Variants in SPTLC3 observed in about 807,000 individuals in gnomAD.
SPTLC3 encodes the protein serine palmitoyltransferase long chain base subunit 3, also known as serine palmitoyltransferase 3.
In SPTLC3, 36 loss-of-function variants were observed where a neutral mutation model predicts 59.3. The observed-to-expected ratio is 0.61, with a 90% CI of 0.47 to 0.80. The LOEUF is 0.80. Among genes scored for constraint, SPTLC3 ranks in the 30% least tolerant of loss-of-function variants. The pLI, the probability that SPTLC3 is intolerant of heterozygous loss-of-function variation, is 0.00. For missense variants in SPTLC3, 625 were observed against 685.1 expected (o/e 0.91, Z 0.98); for synonymous variants, 257 against 240.8 (o/e 1.07, Z -0.62).
chr20:13,050,866 A>G (rs1987456429), intron 2 of SPTLC3: 1 of 152,224 alleles, frequency 6.6e-6, no homozygotes, highest in Admixed American at 6.5e-5. Flanking sequence ...ATCTTCAGAC[A>G]AACAAATGCC....
rs552407806 is a variant in SPTLC3 at position 13,034,905 on chromosome 20, T to C, written c.118-14040T>C. Among the ~76,000 whole-genome samples the C allele has an allele frequency of 3.3e-5, 5 of 152,250 alleles. No homozygotes were observed. The East Asian group carries it at 9.7e-4, about 29-fold the overall frequency. On this transcript the variant is annotated intron_variant, in intron 1 of 11. Transcript: ENST00000399002. ...AATAAAGAGACCACCCAGGAGGTAA[T>C]TGCAGTGGTCCAGGAGAAAGGTGAT...
In SPTLC3 at chr20:13,012,571, G is replaced by C. The variant is rs994216370; in HGVS notation, c.117+3187G>C. On this transcript the variant is annotated intron_variant, in intron 1 of 11. Transcript: ENST00000399002. ...GTACAAATGAGTGGTATAGATACTA[G>C]TACTAGAAGTTGGAGAAGAGCAAAA... Among the ~76,000 whole-genome samples, 4 of 152,168 alleles carry C rather than the reference G, an allele frequency of 2.6e-5. No homozygotes were observed. The East Asian group carries it at 5.8e-4, about 22-fold the overall frequency.
chr20:13,044,105 T>C (rs4814188), intron 1 of SPTLC3, among the ~76,000 whole-genome samples: 6,405 of 62,544 alleles, frequency 0.1, 167 homozygotes, highest in Middle Eastern at 0.26. Context: ...CTTTTTTTTC[T>C]TTTTTTTTTT....
At chr20:13,043,611 C>G (rs962795243) in intron 1 of SPTLC3, among the ~76,000 whole-genome samples, 1 of 152,220 alleles carries the variant, frequency 6.6e-6, no homozygotes, top group Non-Finnish European at 1.5e-5. Context: ...GCTCTTCATC[C>G]TGTCTCCCTC....
chr20:13,081,320 A>G (rs1988835518), intron 4 of SPTLC3, among the ~76,000 whole-genome samples: 1 of 152,196 alleles, frequency 6.6e-6, no homozygotes, highest in Non-Finnish European at 1.5e-5. Flanking sequence ...TGCCCAGCAT[A>G]TTGTTCTTAA....
chr20:13,146,360 C>T (rs2038509647), intron 9 of SPTLC3, among the ~76,000 whole-genome samples: 1 of 151,984 alleles, frequency 6.6e-6, no homozygotes, highest in Admixed American at 6.6e-5. Flanking sequence ...ATAATATGTA[C>T]AACAAACCCC....
At chr20:13,035,036 T>A (rs919606) in intron 1 of SPTLC3, among the ~76,000 whole-genome samples, 21,332 of 152,078 alleles carry the variant, frequency 0.14, 2,253 homozygotes, top group African/African-American at 0.3. Context: ...TTTGATCAAT[T>A]CTTCCCTCAT....
intron 2 of SPTLC3, 56 bp downstream of exon 2, chr20:13,049,186 T>A (rs775753627): frequency 1.9e-5 from 30 of 1,585,600 alleles, no homozygotes; most frequent in Non-Finnish European, 2.2e-5. Flanking sequence ...TCTAAAGTGT[T>A]CTCAGAAGTG....
At chr20:13,130,246 C>T (rs2038092452) in intron 9 of SPTLC3, among the ~76,000 whole-genome samples, 1 of 152,236 alleles carries the variant, frequency 6.6e-6, no homozygotes. Flanking sequence ...GATAGACTCA[C>T]TCTCAGGGTA....
chr20:13,037,633 C>A (rs1480379837), intron 1 of SPTLC3, among the ~76,000 whole-genome samples: 2 of 152,262 alleles, frequency 1.3e-5, no homozygotes, highest in South Asian at 4.1e-4. Flanking sequence ...CTCTTACAAT[C>A]TTTGAAGGCT....
intron 1 of SPTLC3, among the ~76,000 whole-genome samples, chr20:13,023,829 T>C (rs1986012824): frequency 6.6e-6 from 1 of 152,116 alleles, no homozygotes; most frequent in Non-Finnish European, 1.5e-5. Context: ...AAAATAGAAA[T>C]AAAATATTAT....
chr20:13,101,866 A>G (rs1371965388), intron 6 of SPTLC3, among the ~76,000 whole-genome samples: 1 of 151,878 alleles, frequency 6.6e-6, no homozygotes, highest in Non-Finnish European at 1.5e-5. Flanking sequence ...GCAGAACCAC[A>G]CTCAGAGCAG....
intron 9 of SPTLC3, among the ~76,000 whole-genome samples, chr20:13,133,336 G>T (rs2038168904): frequency 6.6e-6 from 1 of 151,614 alleles, no homozygotes; most frequent in African/African-American, 2.4e-5. Flanking sequence ...CTAGTCCAGG[G>T]ACCAGCCTTT....
At chr20:13,025,651 C>G (rs1231570761) in intron 1 of SPTLC3, among the ~76,000 whole-genome samples, 1 of 152,136 alleles carries the variant, frequency 6.6e-6, no homozygotes, top group Non-Finnish European at 1.5e-5. Flanking sequence ...GCCTTATGTC[C>G]CTCTCTGCCC....
intron 5 of SPTLC3, 22 bp from the exon 6 acceptor site, chr20:13,093,462 T>C (rs1448892537): frequency 6.2e-7 from 1 of 1,608,872 alleles, no homozygotes; most frequent in Admixed American, 1.7e-5. Context: ...GCTTGTGTTT[T>C]GTGTGCTTGT....
intron 11 of SPTLC3, among the ~76,000 whole-genome samples, chr20:13,162,717 C>A (rs1339925109): frequency 6.6e-6 from 1 of 152,186 alleles, no homozygotes; most frequent in Non-Finnish European, 1.5e-5. Flanking sequence ...TTCATTCTCT[C>A]GCCTTTCAGA....
At chr20:13,044,770 C>T (rs1406022606) in intron 1 of SPTLC3, among the ~76,000 whole-genome samples, 1 of 152,056 alleles carries the variant, frequency 6.6e-6, no homozygotes, top group South Asian at 2.1e-4. Flanking sequence ...ACATTTGAGG[C>T]CTCGAAAAAT....
rs1568598536 is a variant in SPTLC3 at position 13,093,581 on chromosome 20, A to G, written c.826+4A>G. ...ATAAGAATCTTCAAACACAACAGTG[A>G]GTATCAGTGTATTTTCTCAACATGT... On this transcript the variant is annotated splice_donor_region_variant and intron_variant, in intron 6 of 11. Transcript: ENST00000399002. 6.2e-7 allele frequency: 1 copy of G among 1,612,568 alleles called. No homozygotes were observed. The highest frequency in any genetic ancestry group is 8.5e-7 in the Non-Finnish European group (1 of 1,178,828).
At chr20:13,098,418 T>A (rs572905216) in intron 6 of SPTLC3, among the ~76,000 whole-genome samples, 2 of 152,354 alleles carry the variant, frequency 1.3e-5, no homozygotes, top group East Asian at 3.9e-4. Flanking sequence ...GAATCTAGGT[T>A]AAAGTAAGTG....
Sources: gnomAD v4.1 joint callset for allele counts (sites outside exome capture counted in the v4.1 genomes callset) on GRCh38, gnomAD v4.1.1 for gene constraint, MANE v1.5 for transcripts, NCBI Gene and HGNC (gene_info 2026-07-23, HGNC 2026-07-21) for gene names.